The following TEC variants were observed in gnomAD, a reference collection of about 807,000 sequenced individuals.
TEC encodes tyrosine-protein kinase Tec.
A neutral mutation model predicts 93.0 loss-of-function variants in TEC; 72 were observed. That is an observed-to-expected ratio of 0.77 (90% confidence interval 0.64 to 0.94). The LOEUF is 0.94. Among genes scored for constraint, TEC ranks in the 40% least tolerant of loss-of-function variants. The probability of loss-of-function intolerance (pLI) is 0.00; values close to 1 mark genes in which losing one functional copy is unlikely to be tolerated. For missense variants in TEC, 630 were observed against 757.9 expected, an observed-to-expected ratio of 0.83 and a Z score of 1.98; for synonymous variants, 249 against 247.7, an observed-to-expected ratio of 1.01 and a Z score of -0.05.
At position 48,223,500 on chromosome 4, in the gene TEC, C is replaced by G. The variant is rs546184090; in HGVS notation, c.138+4977G>C. 2.6e-5 allele frequency among the ~76,000 whole-genome samples: 4 copies of G among 152,096 alleles called. No homozygotes were observed. The East Asian group carries it at 7.7e-4, about 29-fold the overall frequency. On this transcript the variant is annotated intron_variant, in intron 2 of 17. Transcript: ENST00000381501. Reference sequence around the variant, plus strand: ...GTGCAGGTTTTTAATTTTTCTAAGCCTTAGTTCTGCATTTTGAAATTAAGT... The same window carrying G: ...GTGCAGGTTTTTAATTTTTCTAAGCGTTAGTTCTGCATTTTGAAATTAAGT...
chr4:48,197,215 C>A (rs1722330134), intron 2 of TEC, among the ~76,000 whole-genome samples: 1 of 152,214 alleles, frequency 6.6e-6, no homozygotes, highest in South Asian at 2.1e-4. Flanking sequence ...AGAGGCAGTG[C>A]AGTACAATGG....
chr4:48,210,604 C>T (rs567178787), intron 2 of TEC, among the ~76,000 whole-genome samples: 9 of 152,274 alleles, frequency 5.9e-5, no homozygotes, highest in African/African-American at 2.2e-4. Flanking sequence ...GGCACCCTAT[C>T]GATATGTGTA....
At chr4:48,241,647 A>G (rs1456829035) in intron 1 of TEC, among the ~76,000 whole-genome samples, 1 of 152,194 alleles carries the variant, frequency 6.6e-6, no homozygotes, top group Non-Finnish European at 1.5e-5. Context: ...CTTAACCTCC[A>G]GAATTCATGA....
At chr4:48,222,788 C>T (rs1723310014) in intron 2 of TEC, among the ~76,000 whole-genome samples, 1 of 152,164 alleles carries the variant, frequency 6.6e-6, no homozygotes, top group Admixed American at 6.5e-5. Flanking sequence ...GACTGAACTA[C>T]ATCACCAGCT....
chr4:48,196,620 C>T (rs1017187923), intron 2 of TEC, among the ~76,000 whole-genome samples: 4 of 152,154 alleles, frequency 2.6e-5, no homozygotes, highest in African/African-American at 7.2e-5. Context: ...GATCCTCACA[C>T]CTACCTTCTA....
intron 2 of TEC, among the ~76,000 whole-genome samples, chr4:48,226,995 G>T (rs1723487770): frequency 6.6e-6 from 1 of 152,100 alleles, no homozygotes; most frequent in Non-Finnish European, 1.5e-5. Flanking sequence ...TCCCAGCAGG[G>T]ACTAGGGCAG....
At chr4:48,226,199 G>A (rs1723454051) in intron 2 of TEC, among the ~76,000 whole-genome samples, 1 of 148,888 alleles carries the variant, frequency 6.7e-6, no homozygotes, top group South Asian at 2.2e-4. Flanking sequence ...TGCCCATACT[G>A]CGAACCAAAC....
At chr4:48,244,548 T>C (rs1414354721) in intron 1 of TEC, among the ~76,000 whole-genome samples, 1 of 152,230 alleles carries the variant, frequency 6.6e-6, no homozygotes, top group African/African-American at 2.4e-5. Context: ...CACGTGGGAA[T>C]TCAAGATGAA....
intron 1 of TEC, among the ~76,000 whole-genome samples, chr4:48,257,417 AG>A (rs1348675632): frequency 6.6e-6 from 1 of 151,108 alleles, no homozygotes; most frequent in African/African-American, 2.4e-5. Flanking sequence ...ATTTCTTTCT[AG>A]GTTGTCCAGC....
intron 7 of TEC, among the ~76,000 whole-genome samples, chr4:48,166,464 G>A (rs933712139): frequency 6.6e-6 from 1 of 152,038 alleles, no homozygotes; most frequent in African/African-American, 2.4e-5. Context: ...GTCTACAGAC[G>A]ATCTTATTTA....
intron 2 of TEC, among the ~76,000 whole-genome samples, chr4:48,176,816 A>G (rs749658287): frequency 2.6e-5 from 4 of 152,136 alleles, no homozygotes; most frequent in Non-Finnish European, 5.9e-5. Context: ...CATGTTCTTG[A>G]TGATAGTCCC....
chr4:48,224,540 C>G (rs1723378379), intron 2 of TEC, among the ~76,000 whole-genome samples: 1 of 152,154 alleles, frequency 6.6e-6, no homozygotes, highest in South Asian at 2.1e-4. Flanking sequence ...CTCCAGTGTC[C>G]TTTGCTCTGT....
At chr4:48,152,441 TA>T (rs1720211956) in intron 9 of TEC, among the ~76,000 whole-genome samples, 2 of 144,424 alleles carry the variant, frequency 1.4e-5, no homozygotes, top group African/African-American at 5.6e-5. Context: ...CTATCATAAA[TA>T]AATAAATAAA....
chr4:48,200,822 C>CA (rs1722480716), intron 2 of TEC, among the ~76,000 whole-genome samples: 1 of 152,100 alleles, frequency 6.6e-6, no homozygotes, highest in Non-Finnish European at 1.5e-5. Flanking sequence ...CCATCTTTGG[C>CA]AAAAACAAAA....
At chr4:48,194,223 C>T (rs1187252027) in intron 2 of TEC, among the ~76,000 whole-genome samples, 3 of 152,202 alleles carry the variant, frequency 2.0e-5, no homozygotes, top group African/African-American at 7.2e-5. Context: ...TTGCCTCTAC[C>T]CTGCCTATAT....
At chr4:48,176,001 G>T (rs536069146) in intron 3 of TEC, 81 bp downstream of exon 3, 5 of 976,102 alleles carry the variant, frequency 5.1e-6, no homozygotes, top group Admixed American at 4.7e-5. Flanking sequence ...AGCCAGCAAA[G>T]CAAGGACAGG....
At chr4:48,262,363 A>G (rs1156600689) in intron 1 of TEC, among the ~76,000 whole-genome samples, 1 of 151,408 alleles carries the variant, frequency 6.6e-6, no homozygotes, top group African/African-American at 2.4e-5. Context: ...GGCCCACCTA[A>G]TTTTTGTATT....
At chr4:48,225,365 CG>C (rs1723415114) in intron 2 of TEC, among the ~76,000 whole-genome samples, 2 of 152,022 alleles carry the variant, frequency 1.3e-5, no homozygotes, top group Admixed American at 1.3e-4. Context: ...TTAGTAGAGA[CG>C]GGGTTTCACC....
chr4:48,263,008 G>A (rs560998885), intron 1 of TEC, among the ~76,000 whole-genome samples: 66 of 152,286 alleles, frequency 4.3e-4, no homozygotes, highest in African/African-American at 1.4e-3. Flanking sequence ...TAACCATAAA[G>A]AATGTTGATG....
Sources: allele counts gnomAD v4.1 joint callset (sites outside exome capture counted in the v4.1 genomes callset), GRCh38; gene constraint gnomAD v4.1.1; transcripts MANE v1.5; gene names NCBI Gene and HGNC (gene_info 2026-07-23, HGNC 2026-07-21).